The following MTMR8 variants were observed in gnomAD, a reference collection of about 807,000 sequenced individuals.
The protein encoded by MTMR8 is phosphatidylinositol-3,5-bisphosphate 3-phosphatase MTMR8.
In MTMR8, 65 loss-of-function variants were observed where a neutral mutation model predicts 39.3. The ratio of observed to expected loss-of-function variants is 1.65; its 90% CI spans 1.35 to 2.03. The LOEUF (loss-of-function observed/expected upper bound fraction) is 2.03. MTMR8 is among the 30% of genes most tolerant of loss of function. The pLI, the probability that MTMR8 is intolerant of heterozygous loss-of-function variation, is 0.00. For synonymous variants in MTMR8, 245 were observed against 185.2 expected (o/e 1.32, Z -2.62); for missense variants, 777 against 538.9 (o/e 1.44, Z -4.37).
chrX:64,283,152 A>G (rs1921021010), intron 12 of MTMR8, among the ~76,000 whole-genome samples: 1 of 112,316 alleles, frequency 8.9e-6, no homozygotes, highest in Admixed American at 9.4e-5. Context: ...CAATGGTCAC[A>G]GCAGACGGCA....
At chrX:64,273,211 T>C (rs867286533) in intron 12 of MTMR8, among the ~76,000 whole-genome samples, 32 of 111,749 alleles carry the variant, frequency 2.9e-4, no homozygotes, top group African/African-American at 8.8e-4. Flanking sequence ...AATTGTAGTA[T>C]AAAGTTTAAA....
At chrX:64,377,371 G>A (rs1327382214) in intron 1 of MTMR8, among the ~76,000 whole-genome samples, 1 of 112,493 alleles carries the variant, frequency 8.9e-6, no homozygotes, top group Non-Finnish European at 1.9e-5. Flanking sequence ...TGTGAAAGCA[G>A]CCAAGAGGGC....
intron 12 of MTMR8, chrX:64,304,970 A>G (rs1459949464): frequency 2.2e-5 from 2 of 89,381 alleles, no homozygotes; most frequent in South Asian, 5.3e-4. Flanking sequence ...ATATGTATAT[A>G]CATATATATG....
intron 12 of MTMR8, among the ~76,000 whole-genome samples, chrX:64,301,183 G>C (rs1469632166): frequency 9.1e-6 from 1 of 109,988 alleles, no homozygotes; most frequent in Non-Finnish European, 1.9e-5. Context: ...TGCCAACTTG[G>C]TTCCATTCTC....
intron 4 of MTMR8, among the ~76,000 whole-genome samples, chrX:64,353,774 CA>C (rs964625672): frequency 1.1e-4 from 12 of 109,918 alleles, no homozygotes; most frequent in Non-Finnish European, 1.9e-4. Context: ...AAAAATGAAA[CA>C]AATTCGCCAG....
At chrX:64,391,263 T>C (rs902087227) in intron 1 of MTMR8, among the ~76,000 whole-genome samples, 6 of 112,478 alleles carry the variant, frequency 5.3e-5, no homozygotes, top group African/African-American at 1.9e-4. Flanking sequence ...AAATTACTTT[T>C]TTTGTGTTAA....
At chrX:64,293,877 AT>A (rs770903337) in intron 12 of MTMR8, among the ~76,000 whole-genome samples, 115 of 111,759 alleles carry the variant, frequency 1.0e-3, no homozygotes, top group African/African-American at 3.4e-3. Context: ...CCCTGAGACT[AT>A]CCCCTTTCCT....
At chrX:64,307,320 C>A (rs1279081536) in intron 12 of MTMR8, among the ~76,000 whole-genome samples, 1 of 111,704 alleles carries the variant, frequency 9.0e-6, no homozygotes, top group Non-Finnish European at 1.9e-5. Context: ...TGAAATTTTT[C>A]TAAGTTTTCT....
intron 1 of MTMR8, among the ~76,000 whole-genome samples, chrX:64,368,801 C>A (rs1041702159): frequency 8.9e-6 from 1 of 112,222 alleles, no homozygotes; most frequent in Admixed American, 9.4e-5. Context: ...GCAAAAGAAA[C>A]TACCATCAGA....
intron 1 of MTMR8, among the ~76,000 whole-genome samples, chrX:64,364,190 C>A (rs374996691): frequency 8.9e-6 from 1 of 112,673 alleles, no homozygotes; most frequent in Non-Finnish European, 1.9e-5. Context: ...GCAGAAACTG[C>A]TGCAGACTTA....
chrX:64,354,826 C>A lies in MTMR8; in HGVS notation c.419G>T (p.Gly140Val). Residue 140 changes from glycine (G) to valine (V), a missense_variant, in exon 4 of 14, where the codon GGA becomes GTA. Coordinates refer to ENST00000374852, the MANE Select transcript of MTMR8 (RefSeq NM_017677.4). ...IDPISDFGRMGIPNRNWTITD... is the reference protein window; with the variant it reads ...IDPISDFGRMVIPNRNWTITD... ...TATGGTCCAGTTTCTGTTGGGTATT[C>A]CCATACGCCCAAAGTCTGATATTGG... is the stretch of plus-strand genomic sequence containing the variant. The A allele has an allele frequency of 8.3e-7, 1 of 1,205,684 alleles. No homozygotes were observed. Among genetic ancestry groups the A allele is most frequent in the Non-Finnish European group, 1.1e-6 (1 of 892,209 alleles).
At chrX:64,281,977 C>T (rs1932026223) in intron 12 of MTMR8, among the ~76,000 whole-genome samples, 1 of 109,939 alleles carries the variant, frequency 9.1e-6, no homozygotes, top group Non-Finnish European at 1.9e-5. Context: ...AAAGAAAGCT[C>T]AACTTCACTG....
chrX:64,296,917 T>G (rs1464084929), intron 12 of MTMR8, among the ~76,000 whole-genome samples: 1 of 103,674 alleles, frequency 9.6e-6, no homozygotes, highest in Non-Finnish European at 2.0e-5. Flanking sequence ...AACTCATCAT[T>G]TTTTATGGCT....
intron 12 of MTMR8, among the ~76,000 whole-genome samples, chrX:64,311,608 T>G (rs1922301731): frequency 9.0e-6 from 1 of 111,705 alleles, no homozygotes; most frequent in African/African-American, 3.3e-5. Flanking sequence ...GGTTTTCTTC[T>G]AGGGTTTTTA....
chrX:64,330,806 C>A (rs1218980613), intron 11 of MTMR8, among the ~76,000 whole-genome samples: 1 of 111,712 alleles, frequency 9.0e-6, no homozygotes, highest in African/African-American at 3.2e-5. Flanking sequence ...TGTTTATTAT[C>A]ATGAGAAAAT....
At position 64,315,130 on chromosome X, in the gene MTMR8, C is replaced by T. The variant is rs144749495; in HGVS notation, c.1481+13642G>A. Among the ~76,000 whole-genome samples, 758 of 112,213 alleles carry T rather than the reference C, an allele frequency of 6.8e-3. 3 individuals are homozygous for T. The highest frequency in any genetic ancestry group is 0.024 in the African/African-American group (732 of 30,896). On this transcript the variant is annotated intron_variant, in intron 12 of 13. Coordinates refer to ENST00000374852, the MANE Select transcript of MTMR8 (RefSeq NM_017677.4). ...CAAGCCCTCTGTGCTCCACAACTGG[C>T]TGGCATGCTGCCCCTAACACTTCTC...
intron 12 of MTMR8, among the ~76,000 whole-genome samples, chrX:64,315,146 A>C (rs1046091265): frequency 1.8e-5 from 2 of 111,842 alleles, no homozygotes; most frequent in African/African-American, 6.5e-5. Context: ...TGCTGCCCCT[A>C]ACACTTCTCT....
chrX:64,366,209 T>A (rs1923950109), intron 1 of MTMR8, among the ~76,000 whole-genome samples: 1 of 110,056 alleles, frequency 9.1e-6, no homozygotes. Flanking sequence ...AGACAGAAGG[T>A]TAAAAAGGAT....
intron 12 of MTMR8, among the ~76,000 whole-genome samples, chrX:64,297,868 G>A (rs1352411030): frequency 6.5e-5 from 7 of 106,968 alleles, no homozygotes; most frequent in Non-Finnish European, 1.4e-4. Flanking sequence ...TTTTTCTCAG[G>A]TTTGTCAAAG....
Sources: allele counts gnomAD v4.1 joint callset (sites outside exome capture counted in the v4.1 genomes callset), GRCh38; gene constraint gnomAD v4.1.1; transcripts MANE v1.5; gene names NCBI Gene and HGNC (gene_info 2026-07-23, HGNC 2026-07-21).